The following PRKCZ variants were observed in gnomAD, a reference collection of about 807,000 sequenced individuals.
PRKCZ encodes protein kinase C zeta type.
In PRKCZ, 33 loss-of-function variants were observed where a neutral mutation model predicts 79.5. That is an observed-to-expected ratio of 0.41 (90% CI 0.31 to 0.55). The LOEUF (loss-of-function observed/expected upper bound fraction) is 0.55, where lower values mean the gene tolerates loss of function less well. PRKCZ is among the 20% of genes least tolerant of loss of function. The probability of loss-of-function intolerance (pLI) is 0.19; values close to 1 mark genes in which losing one functional copy is unlikely to be tolerated. For missense variants in PRKCZ, 578 were observed against 813.5 expected, an observed-to-expected ratio of 0.71 and a Z score of 3.52; for synonymous variants, 342 against 320.9, an observed-to-expected ratio of 1.07 and a Z score of -0.70.
intron 4 of PRKCZ, among the ~76,000 whole-genome samples, chr1:2,115,472 A>C (rs1429517636): frequency 6.6e-6 from 1 of 152,180 alleles, no homozygotes; most frequent in Non-Finnish European, 1.5e-5. Context: ...GGTTTTCTGC[A>C]CCCACAGCCA....
intron 4 of PRKCZ, among the ~76,000 whole-genome samples, chr1:2,069,856 A>C (rs2803302): frequency 0.49 from 74,499 of 151,880 alleles, 22,314 homozygotes; most frequent in African/African-American, 0.83. Context: ...TGGGGCTCCT[A>C]AGTGGGTAGC....
At chr1:2,067,259 G>A (rs540903364) in intron 4 of PRKCZ, among the ~76,000 whole-genome samples, 1 of 151,792 alleles carries the variant, frequency 6.6e-6, no homozygotes, top group Non-Finnish European at 1.5e-5. Flanking sequence ...GCGCTCTGCT[G>A]TGTCTGTCAG....
intron 5 of PRKCZ, chr1:2,143,068 G>A (rs545729580): frequency 1.5e-5 from 2 of 131,422 alleles, no homozygotes; most frequent in African/African-American, 2.9e-5. Context: ...TCACTCTGTC[G>A]CCCAGGCTGG....
chr1:2,144,775 A>G (rs2103122371), intron 6 of PRKCZ: 2 of 387,008 alleles, frequency 5.2e-6, no homozygotes, highest in South Asian at 1.8e-4. Flanking sequence ...GCCTGTGATG[A>G]GGGCGGCACC....
intron 10 of PRKCZ, among the ~76,000 whole-genome samples, chr1:2,158,627 C>T (rs931069446): frequency 6.6e-6 from 1 of 152,194 alleles, no homozygotes; most frequent in Non-Finnish European, 1.5e-5. Context: ...TGGTGAGGTT[C>T]CAAGAAGGGT....
Position 2,127,140 on chromosome 1 carries a change from G to A in PRKCZ, c.335-8122G>A, listed in dbSNP as rs1212618472. Among the ~76,000 whole-genome samples, 1 of 152,206 alleles carries A rather than the reference G, an allele frequency of 6.6e-6. No homozygotes were observed. ...AGGTTGTTGCCTCAGTGGGAGCCTG[G>A]GCTGTGGCTGCCAGTCCCCAAAACA... On this transcript the variant is annotated intron_variant, in intron 4 of 17. Transcript: ENST00000378567. This position sits in a 1 kb window ranked among gnomAD's most constrained non-coding sequence, Gnocchi z 5.1.
chr1:2,159,059 G>A (rs1421914566), intron 10 of PRKCZ, among the ~76,000 whole-genome samples: 1 of 152,098 alleles, frequency 6.6e-6, no homozygotes, highest in Non-Finnish European at 1.5e-5. Context: ...CTGAGTAGCT[G>A]GGACTACAGG....
Position 2,172,320 on chromosome 1 carries a change from A to G in PRKCZ, c.1217A>G (p.Asp406Gly). ...GMCKEGLGPG[D>G]TTSTFCGTPN... ...CCACAGGAAGGCCTGGGCCCTGGTG[A>G]CACAACGAGCACTTTCTGCGGAACC... The change falls in exon 13 of 18, where the codon GAC becomes GGC. Residue 406 changes from aspartate to glycine, a missense_variant. Physicochemically the swap from Asp to Gly is moderately conservative, Grantham distance 94. This residue lies in a region of PRKCZ where 243 missense variants were observed against 467.0 expected (regional missense o/e 0.52). Transcript: ENST00000378567. This position sits in a 1 kb window ranked among gnomAD's most constrained non-coding sequence, Gnocchi z 7.8. The G allele has an allele frequency of 6.2e-7, 1 of 1,613,614 alleles. No individual in the cohort carries two copies. Among genetic ancestry groups the G allele is most frequent in the Non-Finnish European group, 8.5e-7 (1 of 1,180,012 alleles).
At chr1:2,130,071 T>G (rs1213831417) in intron 4 of PRKCZ, among the ~76,000 whole-genome samples, 1 of 151,934 alleles carries the variant, frequency 6.6e-6, no homozygotes, top group Non-Finnish European at 1.5e-5. Context: ...CTCGGCTCAT[T>G]TTTTATATTT....
In PRKCZ at chr1:2,175,064, C is replaced by T. The variant is rs76910431; in HGVS notation, c.1486-160C>T. 6.9e-3 allele frequency among the ~76,000 whole-genome samples: 1,048 copies of T among 151,510 alleles called. 2 individuals carry two copies. Among genetic ancestry groups the T allele is most frequent in the Non-Finnish European group, 0.011 (731 of 67,980 alleles). On this transcript the variant is annotated intron_variant, in intron 15 of 17. Transcript: ENST00000378567. Reference sequence around the variant, plus strand: ...GGAAAATGGAACGGAGCTTAACGTACGGGGAAGGAACTTTCAATAAAGGAA... The same window carrying T: ...GGAAAATGGAACGGAGCTTAACGTATGGGGAAGGAACTTTCAATAAAGGAA...
At chr1:2,155,198 G>A (rs948312854) in intron 9 of PRKCZ, among the ~76,000 whole-genome samples, 3 of 150,796 alleles carry the variant, frequency 2.0e-5, no homozygotes, top group Admixed American at 2.0e-4. Context: ...TGATGAAGAT[G>A]TTGATGATGG....
At chr1:2,120,294 T>TTG (rs1671614168) in intron 4 of PRKCZ, among the ~76,000 whole-genome samples, 4 of 56,108 alleles carry the variant, frequency 7.1e-5, no homozygotes, top group African/African-American at 1.1e-4. Flanking sequence ...TGACTTTTCG[T>TTG]TTTTTTTTTT....
At chr1:2,130,030 G>A (rs944149437) in intron 4 of PRKCZ, among the ~76,000 whole-genome samples, 4 of 152,130 alleles carry the variant, frequency 2.6e-5, no homozygotes, top group Non-Finnish European at 4.4e-5. Flanking sequence ...AGCCTCCCGA[G>A]TAGCTGGGAC....
intron 4 of PRKCZ, among the ~76,000 whole-genome samples, chr1:2,070,951 G>T (rs923604158): frequency 1.3e-5 from 2 of 150,956 alleles, no homozygotes; most frequent in South Asian, 2.1e-4. Context: ...CTGTAGCCTA[G>T]GGCAGAGAGG....
At chr1:2,106,680 T>C (rs866094630) in intron 4 of PRKCZ, among the ~76,000 whole-genome samples, 10 of 87,210 alleles carry the variant, frequency 1.1e-4, no homozygotes, top group African/African-American at 5.4e-4. Flanking sequence ...CCAGGCCAGG[T>C]AACTCTCAGC....
intron 4 of PRKCZ, among the ~76,000 whole-genome samples, chr1:2,110,218 C>T (rs1480076086): frequency 1.3e-5 from 2 of 148,324 alleles, no homozygotes; most frequent in Non-Finnish European, 3.0e-5. Context: ...AATCCGGGGC[C>T]CTCCCTGGGG....
At chr1:2,154,217 C>A (rs774393733) in intron 9 of PRKCZ, among the ~76,000 whole-genome samples, 1 of 152,040 alleles carries the variant, frequency 6.6e-6, no homozygotes, top group Non-Finnish European at 1.5e-5. Context: ...TGCGGGCTGG[C>A]GAGGAGCTCG....
chr1:2,171,670 G>A (rs1684459022), intron 11 of PRKCZ: 2 of 177,690 alleles, frequency 1.1e-5, no homozygotes, highest in Non-Finnish European at 2.4e-5. Context: ...GCCTGGCACC[G>A]TGTTTAATTT....
intron 9 of PRKCZ, 74 bp downstream of exon 9, chr1:2,151,052 A>G: frequency 6.6e-7 from 1 of 1,522,902 alleles, no homozygotes. Flanking sequence ...GCTTTAGCGG[A>G]ATTAATCCAT....
Sources: gnomAD v4.1 joint callset for allele counts (sites outside exome capture counted in the v4.1 genomes callset) on GRCh38, gnomAD v4.1.1 for gene constraint, gnomAD v4.1.1 regional missense constraint, Gnocchi (gnomAD v3.1) non-coding constraint, MANE v1.5 for transcripts, NCBI Gene and HGNC (gene_info 2026-07-23, HGNC 2026-07-21) for gene names.